Variants in PSG8 observed in about 807,000 individuals in gnomAD.
The protein encoded by PSG8 is pregnancy-specific beta-1-glycoprotein 8.
A neutral mutation model predicts 42.5 loss-of-function variants in PSG8; 57 were observed. The ratio of observed to expected loss-of-function variants is 1.34; its 90% confidence interval spans 1.08 to 1.67. The LOEUF (loss-of-function observed/expected upper bound fraction) is 1.67, where lower values mean the gene tolerates loss of function less well. PSG8 is among the 40% of genes most tolerant of loss of function. The pLI is 0.00. For missense variants in PSG8, 783 were observed against 518.6 expected (o/e 1.51, Z -4.95); for synonymous variants, 280 against 196.8 (o/e 1.42, Z -3.54).
At chr19:42,759,051 C>G (rs1427814355) in intron 2 of PSG8, 2 of 152,110 alleles carry the variant, frequency 1.3e-5, no homozygotes, top group Admixed American at 1.3e-4. Context: ...AGGTGAGGAC[C>G]ATGTGGATCT....
rs775250313 is a variant in PSG8, at chr19:42,754,982, A to G, written c.988+6T>C. The G allele has an allele frequency of 6.2e-7, 1 of 1,611,988 alleles. No individual in the cohort carries two copies. The highest frequency in any genetic ancestry group is 1.1e-5 in the South Asian group (1 of 90,884). ...CCTGGCCCACAGAGGAACAAAAGAT[A>G]CTCACAGAGGACATTCAGGGTGACT... On this transcript the variant is annotated splice_donor_region_variant and intron_variant, in intron 4 of 4. Coordinates refer to ENST00000306511, the MANE Select transcript of PSG8 (RefSeq NM_182707.3).
chr19:42,760,006 A>C (rs1970033244), intron 2 of PSG8, among the ~76,000 whole-genome samples: 1 of 152,172 alleles, frequency 6.6e-6, no homozygotes, highest in Non-Finnish European at 1.5e-5. Context: ...AATTAAAAGA[A>C]GTGATGTGTG....
Position 42,765,204 on chromosome 19 carries a change from G to A in PSG8, c.64+314C>T, listed in dbSNP as rs570863026. On this transcript the variant is annotated intron_variant, in intron 1 of 4. Coordinates refer to ENST00000306511, the MANE Select transcript of PSG8 (RefSeq NM_182707.3). The stretch of plus-strand genomic sequence containing the variant: ...GTCTCATACTGTCTCCCAGGCTGGC[G>A]TGCGATGGCACTATCTCAGCTAGCT... 7.5e-4 allele frequency among the ~76,000 whole-genome samples: 112 copies of A among 150,090 alleles called. 1 individual carries two copies. The highest frequency in any genetic ancestry group is 2.3e-3 in the African/African-American group (93 of 40,550).
At chr19:42,761,799 C>G (rs1970080788) in intron 2 of PSG8, among the ~76,000 whole-genome samples, 1 of 139,686 alleles carries the variant, frequency 7.2e-6, no homozygotes. Flanking sequence ...TCTTTCTTGA[C>G]TAGAAACCAA....
At chr19:42,757,353 A>G (rs1969951899) in intron 3 of PSG8, among the ~76,000 whole-genome samples, 2 of 152,042 alleles carry the variant, frequency 1.3e-5, no homozygotes, top group East Asian at 3.9e-4. Flanking sequence ...AGGGACTATG[A>G]TCCTCTTGAT....
chr19:42,753,503 T>C (rs566449973), downstream of PSG8: 1 of 667,880 alleles, frequency 1.5e-6, no homozygotes, highest in African/African-American at 1.8e-5. Flanking sequence ...CCAATGATAA[T>C]TTCAGTAGAA....
chr19:42,759,236 AT>A (rs1333653532), intron 2 of PSG8, among the ~76,000 whole-genome samples: 1 of 152,096 alleles, frequency 6.6e-6, no homozygotes, highest in Non-Finnish European at 1.5e-5. Flanking sequence ...CTACTCTCTG[AT>A]TCTGAATTTG....
In PSG8 at chr19:42,754,348, T is replaced by A. The variant is rs757163453; in HGVS notation, c.1228A>T (p.Thr410Ser). The change falls in exon 5 of 5, where the codon ACA becomes TCA. Residue 410 changes from threonine to serine, a missense_variant. Transcript: ENST00000306511. Reference sequence around the variant, plus strand: ...ATCCGCTTACCAGAGACTTTTACTGTCATGGATTTGGAGCTTTCCTTGCCA... The same window carrying A: ...ATCCGCTTACCAGAGACTTTTACTGACATGGATTTGGAGCTTTCCTTGCCA... ...ATGKESSKSM[T>S]VKVSGKRIPV... is the part of the protein sequence containing the mutation. 1.2e-6 allele frequency: 2 copies of A among 1,613,820 alleles called. No individual in the cohort carries two copies. Among genetic ancestry groups the A allele is most frequent in the South Asian group, 2.2e-5 (2 of 91,068 alleles).
chr19:42,763,656 C>G (rs1432239314), intron 2 of PSG8: 3 of 653,508 alleles, frequency 4.6e-6, no homozygotes, highest in African/African-American at 1.8e-5. Context: ...TTGTCTGAGA[C>G]TGATCTCCTC....
downstream of PSG8, chr19:42,753,225 C>G (rs8100679): frequency 0.84 from 652,441 of 773,976 alleles, 277,697 homozygotes; most frequent in East Asian, 1. Context: ...AGTGGCTCAC[C>G]CTTCAGGTAC....
At chr19:42,753,318 C>T (rs758932998), downstream of PSG8, 5 of 780,204 alleles carry the variant, frequency 6.4e-6, no homozygotes, top group East Asian at 2.4e-5. Context: ...TTTTTCTTAG[C>T]GATTCCATGG....
rs1453780078 is a variant in PSG8 at position 42,754,512 on chromosome 19, G to A, written c.1064C>T (p.Ser355Phe). The A allele has an allele frequency of 4.3e-6, 7 of 1,613,842 alleles. No individual in the cohort carries two copies. In the East Asian group the frequency reaches 8.9e-5, roughly 21 times the overall value. ...CTGTGCCGGTGGGTTAGAGTCCGCA[G>A]AACAGGACAAGTAGAGGACTTCTCC... is the stretch of plus-strand genomic sequence containing the variant. ...RSGEVLYLSC[S>F]ADSNPPAQYS... The change falls in exon 5 of 5, where the codon TCT (serine) becomes TTT (phenylalanine). Residue 355 changes from serine (S) to phenylalanine (F), a missense_variant. Coordinates refer to ENST00000306511, the MANE Select transcript of PSG8 (RefSeq NM_182707.3).
intron 3 of PSG8, chr19:42,756,072 A>C (rs1362987966): frequency 1.3e-5 from 2 of 152,294 alleles, no homozygotes; most frequent in Non-Finnish European, 2.9e-5. Context: ...ATATATGTGG[A>C]CATTTGCAAA....
At chr19:42,759,368 G>A (rs968189295) in intron 2 of PSG8, among the ~76,000 whole-genome samples, 2 of 152,130 alleles carry the variant, frequency 1.3e-5, no homozygotes, top group Non-Finnish European at 2.9e-5. Flanking sequence ...TTTCAGTTAT[G>A]CAGGATGAGG....
chr19:42,765,505 G>T lies in PSG8; in HGVS notation c.64+13C>A, dbSNP rs762039774. On this transcript the variant is annotated intron_variant, in intron 1 of 4. Transcript: ENST00000306511. ...TCCTCCTCCTGTCCTCTCCCAGGAG[G>T]TTCTCTCCTCACCTGTGAGCAGGAG... The T allele has an allele frequency of 5.6e-6, 9 of 1,610,024 alleles. No individual in the cohort carries two copies. In the South Asian group the frequency reaches 6.6e-5, roughly 12 times the overall value.
chr19:42,754,326 C>G lies in PSG8; in HGVS notation c.1250G>C (p.Arg417Pro). Residue 417 changes from arginine to proline, a missense_variant, in exon 5 of 5, where the codon CGG becomes CCG. Coordinates refer to ENST00000306511, the MANE Select transcript of PSG8 (RefSeq NM_182707.3). ...CCCTATTGCCAAGGATACTGGGATC[C>G]GCTTACCAGAGACTTTTACTGTCAT... The part of the protein sequence containing the change: ...KSMTVKVSGK[R>P]IPVSLAIGI 6.2e-7 allele frequency: 1 copy of G among 1,613,718 alleles called. No homozygotes were observed. The highest frequency in any genetic ancestry group is 8.5e-7 in the Non-Finnish European group (1 of 1,179,786).
chr19:42,764,413 C>G, intron 1 of PSG8, 132 bp from the exon 2 acceptor site: 1 of 1,415,436 alleles, frequency 7.1e-7, no homozygotes, highest in Non-Finnish European at 9.6e-7. Flanking sequence ...TACAAACACA[C>G]GCACACACAC....
At chr19:42,757,191 G>A (rs1275791093) in intron 3 of PSG8, among the ~76,000 whole-genome samples, 1 of 151,944 alleles carries the variant, frequency 6.6e-6, no homozygotes, top group African/African-American at 2.4e-5. Context: ...AAGGGGACAG[G>A]CAAAAGCTGG....
intron 2 of PSG8, 121 bp downstream of exon 2, chr19:42,763,795 C>G: frequency 6.4e-6 from 10 of 1,564,170 alleles, no homozygotes; most frequent in Non-Finnish European, 7.9e-6. Flanking sequence ...ATGCCCAAAC[C>G]CCAGCATGGG....
Sources: gnomAD v4.1 joint callset for allele counts (sites outside exome capture counted in the v4.1 genomes callset) on GRCh38, gnomAD v4.1.1 for gene constraint, MANE v1.5 for transcripts, NCBI Gene and HGNC (gene_info 2026-07-23, HGNC 2026-07-21) for gene names.